The following UBAC2 variants were observed in gnomAD, a reference collection of about 807,000 sequenced individuals.
The protein encoded by UBAC2 is ubiquitin-associated domain-containing protein 2.
A neutral mutation model predicts 44.0 loss-of-function variants in UBAC2; 26 were observed. The ratio of observed to expected loss-of-function variants is 0.59; its 90% confidence interval spans 0.43 to 0.82. The LOEUF (loss-of-function observed/expected upper bound fraction) is 0.82, where lower values mean the gene tolerates loss of function less well. Among genes scored for constraint, UBAC2 ranks in the 40% least tolerant of loss-of-function variants. The pLI, the probability that UBAC2 is intolerant of heterozygous loss-of-function variation, is 0.00. For synonymous variants in UBAC2, 155 were observed against 154.3 expected, an observed-to-expected ratio of 1.00 and a Z score of -0.04; for missense variants, 329 against 419.4, an observed-to-expected ratio of 0.78 and a Z score of 1.88.
At chr13:99,204,724 C>T (rs1298698699) in intron 1 of UBAC2, among the ~76,000 whole-genome samples, 1 of 151,952 alleles carries the variant, frequency 6.6e-6, no homozygotes, top group Non-Finnish European at 1.5e-5. Flanking sequence ...CAGAAAAGCT[C>T]ATCCAGTAGT....
chr13:99,368,214 G>C (rs2045357461), intron 8 of UBAC2, among the ~76,000 whole-genome samples: 1 of 152,206 alleles, frequency 6.6e-6, no homozygotes, highest in African/African-American at 2.4e-5. Flanking sequence ...TCGGGGACAA[G>C]GAGGTGGGAG....
At chr13:99,282,225 T>TG (rs11406335) in intron 4 of UBAC2, among the ~76,000 whole-genome samples, 68,959 of 151,764 alleles carry the variant, frequency 0.45, 15,985 homozygotes, top group Middle Eastern at 0.63. Context: ...AAATGACACT[T>TG]GGGGGGCAAA....
At chr13:99,296,043 G>A in intron 4 of UBAC2, 1 of 1,614,082 alleles carries the variant, frequency 6.2e-7, no homozygotes, top group South Asian at 1.1e-5. Flanking sequence ...TAATGCAGAG[G>A]CATTACTATC....
chr13:99,237,520 A>C (rs944585737), intron 1 of UBAC2, among the ~76,000 whole-genome samples: 3 of 152,296 alleles, frequency 2.0e-5, no homozygotes, highest in African/African-American at 7.2e-5. Context: ...GAGGTTGATT[A>C]ATGGGTACAA....
At chr13:99,367,682 C>A (rs1399165486) in intron 7 of UBAC2, 105 bp from the exon 8 acceptor site, 15 of 1,465,952 alleles carry the variant, frequency 1.0e-5, no homozygotes, top group Non-Finnish European at 1.2e-5. Context: ...TATGATACTT[C>A]CTTCCCAGTC....
At chr13:99,268,635 G>A (rs200887360) in intron 4 of UBAC2, among the ~76,000 whole-genome samples, 1,108 of 78,780 alleles carry the variant, frequency 0.014, 5 homozygotes, top group Non-Finnish European at 0.017. Context: ...AAAAAAAAAA[G>A]AAACACAAAA....
At chr13:99,349,627 C>T (rs762794904) in intron 7 of UBAC2, among the ~76,000 whole-genome samples, 10 of 152,148 alleles carry the variant, frequency 6.6e-5, no homozygotes, top group Non-Finnish European at 1.2e-4. Context: ...TCTTAGGTAG[C>T]CGAAGCTGAG....
chr13:99,216,852 C>A (rs1331939903), intron 1 of UBAC2, among the ~76,000 whole-genome samples: 3 of 118,198 alleles, frequency 2.5e-5, no homozygotes, highest in African/African-American at 1.1e-4. Context: ...TTTTTTGAGA[C>A]GAAGTCTTGC....
At chr13:99,224,494 C>G (rs558649650) in intron 1 of UBAC2, among the ~76,000 whole-genome samples, 27 of 152,188 alleles carry the variant, frequency 1.8e-4, no homozygotes, top group African/African-American at 6.5e-4. Flanking sequence ...TATCTACGTC[C>G]CATTTCAGTT....
chr13:99,287,116 C>A (rs2044028482), intron 4 of UBAC2, among the ~76,000 whole-genome samples: 1 of 152,138 alleles, frequency 6.6e-6, no homozygotes, highest in Non-Finnish European at 1.5e-5. Context: ...ACACAAACTT[C>A]AAATAATTTG....
At chr13:99,320,534 A>G (rs2044554094) in intron 6 of UBAC2, among the ~76,000 whole-genome samples, 1 of 152,190 alleles carries the variant, frequency 6.6e-6, no homozygotes, top group South Asian at 2.1e-4. Flanking sequence ...AAAATCTGAT[A>G]AATCTTCATA....
chr13:99,378,790 C>T (rs1244766212), intron 8 of UBAC2, among the ~76,000 whole-genome samples: 1 of 152,214 alleles, frequency 6.6e-6, no homozygotes, highest in Non-Finnish European at 1.5e-5. Flanking sequence ...TCACGCTAAA[C>T]GCCTGTTGAA....
Position 99,232,399 on chromosome 13 carries a change from G to GATATATATATAT in UBAC2, c.32-6023_32-6022insTATATATATATA, listed in dbSNP as rs1555321112. On this transcript the variant is annotated intron_variant, in intron 1 of 8. Coordinates refer to ENST00000403766, the MANE Select transcript of UBAC2 (RefSeq NM_001144072.2). ...AGACCCTGTCCATCCTTAGTTGAGAGATATAGATATATATATATATATTCA... is the reference window on the plus strand; with the variant it reads ...AGACCCTGTCCATCCTTAGTTGAGAGATATATATATATATATAGATATATATATATATATTCA... Among the ~76,000 whole-genome samples the GATATATATATAT allele has an allele frequency of 1.7e-3, 182 of 109,930 alleles. 9 individuals carry two copies. The highest frequency in any genetic ancestry group is 2.9e-3 in the Admixed American group (31 of 10,568). 72.1% of individuals were successfully genotyped at this position (109,930 alleles called of 152,430 possible).
At chr13:99,334,850 A>G (rs2044763909) in intron 6 of UBAC2, among the ~76,000 whole-genome samples, 1 of 152,228 alleles carries the variant, frequency 6.6e-6, no homozygotes, top group Non-Finnish European at 1.5e-5. Flanking sequence ...ACTAATTTAA[A>G]AGAAAAAAAA....
At chr13:99,276,813 C>T (rs1254841136) in intron 4 of UBAC2, among the ~76,000 whole-genome samples, 3 of 152,244 alleles carry the variant, frequency 2.0e-5, no homozygotes, top group Non-Finnish European at 4.4e-5. Flanking sequence ...AGAAAAGGCA[C>T]TTCTGTCACT....
At position 99,245,293 on chromosome 13, in the gene UBAC2, CAA is replaced by C. The variant is rs552245114; in HGVS notation, c.389+672_389+673del. On this transcript the variant is annotated intron_variant, in intron 4 of 8. Transcript: ENST00000403766. ...AATATAGTTTAATTAGATTAGGAAA[CAA>C]AATTAATTTGTACGAAGTTAAGCTT... Among the ~76,000 whole-genome samples, 49 of 152,218 alleles carry C rather than the reference CAA, an allele frequency of 3.2e-4. No homozygotes were observed. In the South Asian group the frequency reaches 3.9e-3, roughly 12 times the overall value.
chr13:99,228,646 T>G (rs369879817), intron 1 of UBAC2, among the ~76,000 whole-genome samples: 7 of 152,124 alleles, frequency 4.6e-5, no homozygotes, highest in East Asian at 1.9e-4. Context: ...TTGAGGTAGG[T>G]TCTCATCTCC....
chr13:99,258,953 AC>A (rs949372910), intron 4 of UBAC2, among the ~76,000 whole-genome samples: 4 of 152,140 alleles, frequency 2.6e-5, no homozygotes, highest in African/African-American at 9.7e-5. Context: ...TTTGCCACAT[AC>A]ATTTATCCAC....
chr13:99,332,291 C>T (rs930374780), intron 6 of UBAC2, among the ~76,000 whole-genome samples: 1 of 152,106 alleles, frequency 6.6e-6, no homozygotes. Flanking sequence ...GAAGTTTACT[C>T]TCTATAATCA....
Sources: allele counts gnomAD v4.1 joint callset (sites outside exome capture counted in the v4.1 genomes callset), GRCh38; gene constraint gnomAD v4.1.1; transcripts MANE v1.5; gene names NCBI Gene and HGNC (gene_info 2026-07-23, HGNC 2026-07-21).